Variants in CSMD1 observed in about 807,000 individuals in gnomAD.
The protein encoded by CSMD1 is CUB and sushi domain-containing protein 1.
Under a neutral mutation model 417.5 loss-of-function variants are expected in CSMD1, and 213 were observed. The observed-to-expected ratio is 0.51, with a 90% CI of 0.46 to 0.57. The LOEUF is 0.57. Among genes scored for constraint, CSMD1 ranks in the 20% least tolerant of loss-of-function variants. The probability of loss-of-function intolerance (pLI) is 0.00; values close to 1 mark genes in which losing one functional copy is unlikely to be tolerated. For missense variants in CSMD1, 6,923 were observed against 4,529.7 expected, an observed-to-expected ratio of 1.53 and a Z score of -15.17; for synonymous variants, 2,862 against 1,736.8, an observed-to-expected ratio of 1.65 and a Z score of -16.11.
At chr8:3,758,451 G>A (rs1183355342) in intron 5 of CSMD1, among the ~76,000 whole-genome samples, 1 of 152,184 alleles carries the variant, frequency 6.6e-6, no homozygotes, top group African/African-American at 2.4e-5. Context: ...GGGAAAGGGG[G>A]TTGTTCCAAA....
chr8:3,895,034 T>C (rs936455392), intron 5 of CSMD1, among the ~76,000 whole-genome samples: 6 of 152,190 alleles, frequency 3.9e-5, no homozygotes, highest in Non-Finnish European at 7.3e-5. Context: ...GTGAGGTATT[T>C]ATTATTTGAA....
At chr8:3,931,300 C>G (rs911450882) in intron 5 of CSMD1, among the ~76,000 whole-genome samples, 1 of 150,364 alleles carries the variant, frequency 6.7e-6, no homozygotes, top group Non-Finnish European at 1.5e-5. Flanking sequence ...GTGAAATTTT[C>G]AAATAAAATA....
chr8:3,874,483 C>A (rs1446847760), intron 5 of CSMD1, among the ~76,000 whole-genome samples: 1 of 152,182 alleles, frequency 6.6e-6, no homozygotes, highest in Non-Finnish European at 1.5e-5. Context: ...CTTTTACAGA[C>A]TTCTTTTATG....
intron 27 of CSMD1, among the ~76,000 whole-genome samples, chr8:3,226,883 T>C (rs1291930725): frequency 1.3e-5 from 2 of 151,182 alleles, no homozygotes; most frequent in Admixed American, 6.6e-5. Flanking sequence ...AGTAAAAAAG[T>C]AAATTAGCTG....
intron 10 of CSMD1, among the ~76,000 whole-genome samples, chr8:3,525,983 C>G (rs1041479854): frequency 2.6e-5 from 4 of 152,100 alleles, no homozygotes. Flanking sequence ...AAAATCAGCA[C>G]CTCTCTAGGA....
At chr8:3,753,218 A>T (rs960857703) in intron 6 of CSMD1, among the ~76,000 whole-genome samples, 5 of 152,162 alleles carry the variant, frequency 3.3e-5, no homozygotes. Context: ...CATTATTTTC[A>T]AAGTCATGTT....
chr8:4,146,883 G>T (rs1396529594), intron 3 of CSMD1, among the ~76,000 whole-genome samples: 2 of 144,570 alleles, frequency 1.4e-5, no homozygotes, highest in Non-Finnish European at 2.9e-5. Context: ...GTGCCGGCGT[G>T]ATTACATGTG....
chr8:3,627,734 G>A (rs1796565890), intron 7 of CSMD1, among the ~76,000 whole-genome samples: 1 of 152,158 alleles, frequency 6.6e-6, no homozygotes, highest in East Asian at 1.9e-4. Context: ...AAATCTTTAG[G>A]AGGGAATTAT....
At chr8:3,711,147 T>A (rs1222292080) in intron 6 of CSMD1, among the ~76,000 whole-genome samples, 1 of 152,074 alleles carries the variant, frequency 6.6e-6, no homozygotes, top group African/African-American at 2.4e-5. Context: ...TTTAAAAGGG[T>A]AAGAGGGAGA....
chr8:3,308,637 G>C, intron 23 of CSMD1, 134 bp from the exon 24 acceptor site: 1 of 666,798 alleles, frequency 1.5e-6, no homozygotes, highest in Non-Finnish European at 2.5e-6. Context: ...AATTTACAAA[G>C]GGGAAAAGAA....
chr8:4,264,718 A>G, intron 3 of CSMD1, among the ~76,000 whole-genome samples: 1 of 152,170 alleles, frequency 6.6e-6, no homozygotes, highest in Non-Finnish European at 1.5e-5. Flanking sequence ...AACACTGATT[A>G]ACTGCCCAGG....
chr8:4,740,669 G>C (rs1160605896), intron 1 of CSMD1, among the ~76,000 whole-genome samples: 1 of 152,192 alleles, frequency 6.6e-6, no homozygotes, highest in African/African-American at 2.4e-5. Context: ...TTCACTAAGA[G>C]GATGAGAATC....
At chr8:3,415,037 C>T (rs574212177) in intron 12 of CSMD1, among the ~76,000 whole-genome samples, 1 of 152,174 alleles carries the variant, frequency 6.6e-6, no homozygotes, top group African/African-American at 2.4e-5. Context: ...TCAGAGTCAA[C>T]ACACAACAGA....
chr8:3,821,843 T>C (rs905007960), intron 5 of CSMD1, among the ~76,000 whole-genome samples: 3 of 152,084 alleles, frequency 2.0e-5, no homozygotes, highest in East Asian at 1.9e-4. Flanking sequence ...ACAAAGTTAG[T>C]CATGGCAAGG....
At chr8:4,365,401 T>A (rs1802004873) in intron 3 of CSMD1, among the ~76,000 whole-genome samples, 1 of 152,212 alleles carries the variant, frequency 6.6e-6, no homozygotes, top group Admixed American at 6.5e-5. Flanking sequence ...TCTTTTTAAA[T>A]GTTAATTTTG....
At chr8:4,234,457 C>G (rs1325238434) in intron 3 of CSMD1, among the ~76,000 whole-genome samples, 2 of 152,136 alleles carry the variant, frequency 1.3e-5, no homozygotes, top group African/African-American at 2.4e-5. Context: ...GTCCATTTCT[C>G]TGTGTGGCCA....
At chr8:4,123,265 T>C (rs1585363887) in intron 3 of CSMD1, among the ~76,000 whole-genome samples, 1 of 152,220 alleles carries the variant, frequency 6.6e-6, no homozygotes. Flanking sequence ...ACAGGCTTTG[T>C]AGCTTTTAGA....
At chr8:3,386,080 AT>A (rs1454692000) in intron 18 of CSMD1, among the ~76,000 whole-genome samples, 2 of 152,178 alleles carry the variant, frequency 1.3e-5, no homozygotes, top group Admixed American at 1.3e-4. Context: ...TATCAATACA[AT>A]GTCTAAATTA....
chr8:3,853,338 A>C (rs547508253), intron 5 of CSMD1, among the ~76,000 whole-genome samples: 1 of 152,282 alleles, frequency 6.6e-6, no homozygotes, highest in Admixed American at 6.5e-5. Context: ...ATTTCATAAC[A>C]TGCTCCACAA....
Sources: gnomAD v4.1 joint callset for allele counts (sites outside exome capture counted in the v4.1 genomes callset) on GRCh38, gnomAD v4.1.1 for gene constraint, MANE v1.5 for transcripts, NCBI Gene and HGNC (gene_info 2026-07-23, HGNC 2026-07-21) for gene names.